The following FBXW10 variants were observed in gnomAD, a reference collection of about 807,000 sequenced individuals.
FBXW10 encodes the protein F-box and WD repeat domain containing 10.
FBXW10 carries 68 observed loss-of-function variants against 113.1 expected under a neutral mutation model. The observed-to-expected ratio is 0.60, with a 90% CI of 0.49 to 0.74. The LOEUF is 0.74. Ranked by LOEUF, FBXW10 falls within the 30% of genes least tolerant of loss-of-function variation. The pLI, the probability that FBXW10 is intolerant of heterozygous loss-of-function variation, is 0.00. For synonymous variants in FBXW10, 289 were observed against 481.6 expected, an observed-to-expected ratio of 0.60 and a Z score of 5.24; for missense variants, 753 against 1,284.5, an observed-to-expected ratio of 0.59 and a Z score of 6.32.
chr17:18,770,886 C>T (rs1180255960), intron 11 of FBXW10, among the ~76,000 whole-genome samples: 2 of 152,060 alleles, frequency 1.3e-5, no homozygotes, highest in Non-Finnish European at 2.9e-5. Flanking sequence ...GTATACAGTA[C>T]TGTGCTTTAT....
In FBXW10 at chr17:18,744,166, T is replaced by A. The variant is rs1417016445; in HGVS notation, c.-79T>A. On this transcript the variant is annotated 5_prime_UTR_variant, in exon 1 of 14. Transcript: ENST00000395665. ...AAGGCACAACTGGGGTATTTATTCA[T>A]TCCCCCCGTTCCTCTAGTGTTTGGT... The A allele has an allele frequency of 4.2e-5, 64 of 1,532,012 alleles. No individual in the cohort carries two copies. The highest frequency in any genetic ancestry group is 4.7e-5 in the Non-Finnish European group (54 of 1,140,360). 94.9% of individuals were successfully genotyped at this position (1,532,012 alleles called of 1,614,324 possible).
At position 18,750,015 on chromosome 17, in the gene FBXW10, C is replaced by G. The variant is rs1597588534; in HGVS notation, c.877C>G (p.Leu293Val). The G allele has an allele frequency of 6.2e-7, 1 of 1,613,836 alleles. No homozygotes were observed. Among genetic ancestry groups the G allele is most frequent in the Admixed American group, 1.7e-5 (1 of 59,968 alleles). ...IHLSKYILRM[L>V]DRHTLNKCAS... ...GTCCATCTTTTTTTTTCCAGGAATG[C>G]TGGATAGACACACCCTGAACAAGTG... is the stretch of plus-strand genomic sequence containing the variant. Residue 293 changes from leucine to valine, a missense_variant, in exon 4 of 14, where the codon CTG becomes GTG. Leu to Val is a conservative substitution (Grantham distance 32). Coordinates refer to ENST00000395665, the MANE Select transcript of FBXW10 (RefSeq NM_001267585.2).
chr17:18,770,228 G>C, intron 11 of FBXW10, 143 bp downstream of exon 11: 1 of 1,293,808 alleles, frequency 7.7e-7, no homozygotes, highest in Non-Finnish European at 1.1e-6. Context: ...GCTGGGTGGA[G>C]CAATAGTCTT....
intron 7 of FBXW10, among the ~76,000 whole-genome samples, chr17:18,763,097 CAA>C (rs2035418236): frequency 6.7e-6 from 1 of 149,912 alleles, no homozygotes; most frequent in South Asian, 2.1e-4. Context: ...CAAAAAACTA[CAA>C]AGACATATTA....
intron 6 of FBXW10, among the ~76,000 whole-genome samples, chr17:18,756,907 A>G (rs1440158536): frequency 6.6e-6 from 1 of 152,178 alleles, no homozygotes; most frequent in Admixed American, 6.5e-5. Context: ...GGGAAGACAG[A>G]ACAGATAAGA....
chr17:18,765,029 A>G (rs2055570730), intron 8 of FBXW10, among the ~76,000 whole-genome samples, 166 bp downstream of exon 8: 1 of 152,000 alleles, frequency 6.6e-6, no homozygotes, highest in Non-Finnish European at 1.5e-5. Flanking sequence ...CTATCAATCA[A>G]TCCATCCATT....
intron 2 of FBXW10, among the ~76,000 whole-genome samples, 189 bp downstream of exon 2, chr17:18,748,294 C>A (rs927310406): frequency 1.3e-5 from 2 of 151,584 alleles, no homozygotes; most frequent in African/African-American, 4.8e-5. Context: ...GTGGCAGGCA[C>A]CTGTAGTCCC....
chr17:18,768,155 T>C (rs1309636780), intron 9 of FBXW10, among the ~76,000 whole-genome samples: 1 of 151,330 alleles, frequency 6.6e-6, no homozygotes, highest in Non-Finnish European at 1.5e-5. Flanking sequence ...GCAACCTCCA[T>C]CTCCCTGGTT....
At chr17:18,746,796 C>G (rs2035045501) in intron 1 of FBXW10, among the ~76,000 whole-genome samples, 2 of 152,206 alleles carry the variant, frequency 1.3e-5, no homozygotes, top group African/African-American at 4.8e-5. Context: ...AGCGGAAGGC[C>G]TGGCTTGTAC....
intron 13 of FBXW10, among the ~76,000 whole-genome samples, chr17:18,776,963 A>G (rs1423072109): frequency 2.0e-5 from 3 of 151,866 alleles, no homozygotes; most frequent in Non-Finnish European, 4.4e-5. Context: ...TTAATAAACA[A>G]TGAGCTCATC....
intron 6 of FBXW10, among the ~76,000 whole-genome samples, chr17:18,757,829 T>C (rs1894101970): frequency 6.6e-6 from 1 of 152,226 alleles, no homozygotes; most frequent in Non-Finnish European, 1.5e-5. Context: ...TATCTGATAA[T>C]TATTTATATT....
intron 4 of FBXW10, among the ~76,000 whole-genome samples, chr17:18,750,697 C>G (rs147454197): frequency 0.021 from 3,238 of 152,168 alleles, 131 homozygotes; most frequent in African/African-American, 0.074. Context: ...TGGCGACAGT[C>G]TGACCGTCTT....
intron 10 of FBXW10, chr17:18,769,627 A>T (rs912957613): frequency 1.1e-5 from 3 of 283,408 alleles, no homozygotes; most frequent in Non-Finnish European, 2.0e-5. Context: ...ATACAAAAAA[A>T]TTAGCCAGGT....
chr17:18,750,625 C>G (rs1456514402), intron 4 of FBXW10, among the ~76,000 whole-genome samples: 1 of 105,170 alleles, frequency 9.5e-6, no homozygotes, highest in African/African-American at 3.9e-5. Context: ...ATTTTGGTAA[C>G]TTGGATTTTT....
chr17:18,745,643 T>C (rs1005815685), intron 1 of FBXW10, among the ~76,000 whole-genome samples: 12 of 152,150 alleles, frequency 7.9e-5, no homozygotes, highest in African/African-American at 2.9e-4. Context: ...CTCGGACTCC[T>C]GACCTCGTGA....
At chr17:18,748,743 G>A (rs890731166) in intron 2 of FBXW10, among the ~76,000 whole-genome samples, 1 of 152,142 alleles carries the variant, frequency 6.6e-6, no homozygotes, top group African/African-American at 2.4e-5. Context: ...GTCTTTCTCT[G>A]CTCTGGGCCA....
chr17:18,757,803 T>C (rs1054479117), intron 6 of FBXW10, among the ~76,000 whole-genome samples: 1 of 152,244 alleles, frequency 6.6e-6, no homozygotes, highest in African/African-American at 2.4e-5. Context: ...AATAAGCTCA[T>C]TGTAAGTAAG....
rs770947926 is a variant in FBXW10, at chr17:18,768,644, C to T, written c.1815C>T (p.Tyr605=). The change falls in exon 10 of 14, where the codon TAC becomes TAT. Residue 605 remains tyrosine (Y), a synonymous_variant. Coordinates refer to ENST00000395665, the MANE Select transcript of FBXW10 (RefSeq NM_001267585.2). Reference sequence around the variant, plus strand: ...TGGCCTGGAGCATGGTGGGGAAGTACGAGCGCTGCCTGATGGCCTTCAAGC... The same window carrying T: ...TGGCCTGGAGCATGGTGGGGAAGTATGAGCGCTGCCTGATGGCCTTCAAGC... The part of the protein sequence containing the change: ...LVMAWSMVGK[Y]ERCLMAFKHP... The T allele has an allele frequency of 4.0e-5, 65 of 1,613,750 alleles. 1 individual carries two copies. The highest frequency in any genetic ancestry group is 9.9e-5 in the South Asian group (9 of 91,072).
intron 5 of FBXW10, among the ~76,000 whole-genome samples, chr17:18,751,522 G>A (rs56195816): frequency 0.27 from 41,233 of 152,116 alleles, 6,903 homozygotes; most frequent in Non-Finnish European, 0.38. Flanking sequence ...GAGCCACCGC[G>A]CTCAGCCCGA....
Sources: allele counts gnomAD v4.1 joint callset (sites outside exome capture counted in the v4.1 genomes callset), GRCh38; gene constraint gnomAD v4.1.1; transcripts MANE v1.5; gene names NCBI Gene and HGNC (gene_info 2026-07-23, HGNC 2026-07-21).